The following CREBRF variants were observed in gnomAD, a reference collection of about 807,000 sequenced individuals.
The protein encoded by CREBRF is UPF0474 protein C5orf41.
Under a neutral mutation model 66.1 loss-of-function variants are expected in CREBRF, and 5 were observed. That is an observed-to-expected ratio of 0.08 (90% CI 0.04 to 0.16). The LOEUF is 0.16. Ranked by LOEUF, CREBRF falls within the 10% of genes least tolerant of loss-of-function variation. CREBRF has a pLI of 1.00. For synonymous variants in CREBRF, 229 were observed against 264.4 expected, an observed-to-expected ratio of 0.87 and a Z score of 1.30; for missense variants, 531 against 744.9, an observed-to-expected ratio of 0.71 and a Z score of 3.34.
intron 1 of CREBRF, among the ~76,000 whole-genome samples, chr5:173,079,782 T>C (rs1757881451): frequency 6.6e-6 from 1 of 152,234 alleles, no homozygotes; most frequent in South Asian, 2.1e-4. Context: ...GATCATACTT[T>C]GAGACCCACT....
intron 6 of CREBRF, among the ~76,000 whole-genome samples, 159 bp from the exon 7 acceptor site, chr5:173,112,147 T>A (rs983406405): frequency 6.6e-6 from 1 of 152,190 alleles, no homozygotes; most frequent in Non-Finnish European, 1.5e-5. Flanking sequence ...CTCATGCCTA[T>A]AATCCCAGCA....
At chr5:173,117,177 G>A (rs866887640) in intron 7 of CREBRF, among the ~76,000 whole-genome samples, 1 of 151,844 alleles carries the variant, frequency 6.6e-6, no homozygotes, top group Non-Finnish European at 1.5e-5. Flanking sequence ...TCAGGAGTTC[G>A]AGACCAGCCT....
chr5:173,080,877 C>T, intron 2 of CREBRF, 93 bp downstream of exon 2: 1 of 1,210,180 alleles, frequency 8.3e-7, no homozygotes, highest in Admixed American at 2.0e-5. Context: ...CACAACTTTG[C>T]ATACTACCTT....
At chr5:173,093,093 C>G (rs1010688683) in intron 4 of CREBRF, among the ~76,000 whole-genome samples, 1 of 151,994 alleles carries the variant, frequency 6.6e-6, no homozygotes, top group Non-Finnish European at 1.5e-5. Context: ...ACAGATTGGT[C>G]CTGTTGCTTT....
At chr5:173,110,359 C>T in intron 5 of CREBRF, 163 bp from the exon 6 acceptor site, 1 of 706,416 alleles carries the variant, frequency 1.4e-6, no homozygotes. Flanking sequence ...AGGAGGCCAG[C>T]CCTTCTAGGA....
chr5:173,108,463 A>G (rs1758798121), intron 4 of CREBRF, among the ~76,000 whole-genome samples, 161 bp from the exon 5 acceptor site: 1 of 152,260 alleles, frequency 6.6e-6, no homozygotes, highest in Non-Finnish European at 1.5e-5. Context: ...TTTACATATT[A>G]AAAGTTCTCT....
intron 2 of CREBRF, chr5:173,085,413 CT>C (rs371399043): frequency 0.12 from 81,311 of 671,450 alleles, no homozygotes; most frequent in South Asian, 0.15. Context: ...CAAATACATT[CT>C]TTTTTTTTTT....
intron 7 of CREBRF, among the ~76,000 whole-genome samples, chr5:173,119,039 A>G (rs1465200081): frequency 6.6e-6 from 1 of 152,104 alleles, no homozygotes; most frequent in Non-Finnish European, 1.5e-5. Flanking sequence ...TAGATAGAAA[A>G]TTGTCTTGAT....
intron 7 of CREBRF, among the ~76,000 whole-genome samples, chr5:173,115,818 G>A (rs1461018535): frequency 6.6e-6 from 1 of 151,764 alleles, no homozygotes; most frequent in African/African-American, 2.4e-5. Context: ...CACCGTATTA[G>A]CCAGGATGGT....
At chr5:173,100,719 C>G (rs1336253278) in intron 4 of CREBRF, among the ~76,000 whole-genome samples, 2 of 152,144 alleles carry the variant, frequency 1.3e-5, no homozygotes, top group East Asian at 1.9e-4. Context: ...CCACACCGCT[C>G]CCCCCCAACC....
chr5:173,073,438 A>G (rs929401949), intron 1 of CREBRF, among the ~76,000 whole-genome samples: 1 of 152,226 alleles, frequency 6.6e-6, no homozygotes, highest in Admixed American at 6.5e-5. Context: ...ACAGCTACAC[A>G]GATACATACA....
intron 1 of CREBRF, among the ~76,000 whole-genome samples, chr5:173,058,971 G>GT (rs1757173240): frequency 1.3e-5 from 2 of 149,986 alleles, no homozygotes; most frequent in African/African-American, 4.9e-5. Flanking sequence ...AATTTTTTGT[G>GT]TTTTTAATAG....
chr5:173,081,950 G>A (rs1293485942), intron 2 of CREBRF, among the ~76,000 whole-genome samples: 1 of 149,342 alleles, frequency 6.7e-6, no homozygotes, highest in African/African-American at 2.5e-5. Flanking sequence ...CCCAACCTCT[G>A]TGACAGATGG....
intron 1 of CREBRF, among the ~76,000 whole-genome samples, chr5:173,079,423 A>T (rs1202486543): frequency 6.6e-6 from 1 of 150,934 alleles, no homozygotes; most frequent in South Asian, 2.1e-4. Flanking sequence ...AGATTGGGCC[A>T]CTGCATTCCA....
At chr5:173,129,966 C>G (rs1017104906) in intron 8 of CREBRF, among the ~76,000 whole-genome samples, 5 of 152,056 alleles carry the variant, frequency 3.3e-5, no homozygotes, top group African/African-American at 1.2e-4. Flanking sequence ...GCTGGGATTA[C>G]AGGCACATGC....
At chr5:173,125,217 TA>T (rs529593143) in intron 8 of CREBRF, among the ~76,000 whole-genome samples, 84 of 152,252 alleles carry the variant, frequency 5.5e-4, no homozygotes, top group African/African-American at 1.9e-3. Context: ...TTTTTAACAT[TA>T]TTTCTCCTTT....
intron 3 of CREBRF, among the ~76,000 whole-genome samples, chr5:173,088,084 G>C (rs1758215979): frequency 6.6e-6 from 1 of 151,492 alleles, no homozygotes; most frequent in Admixed American, 6.6e-5. Flanking sequence ...CGGAGTGCTG[G>C]GATTACAGGT....
chr5:173,071,274 T>C (rs754052327), intron 1 of CREBRF, among the ~76,000 whole-genome samples: 4 of 152,140 alleles, frequency 2.6e-5, no homozygotes, highest in Non-Finnish European at 5.9e-5. Flanking sequence ...TGCAGCGCCA[T>C]GATCTCGCAT....
intron 4 of CREBRF, among the ~76,000 whole-genome samples, chr5:173,106,801 G>T (rs1758761555): frequency 1.3e-5 from 2 of 151,826 alleles, no homozygotes; most frequent in Non-Finnish European, 2.9e-5. Context: ...CCAGGCTGTG[G>T]TGCAATGGCA....
Sources: gnomAD v4.1 joint callset for allele counts (sites outside exome capture counted in the v4.1 genomes callset) on GRCh38, gnomAD v4.1.1 for gene constraint, MANE v1.5 for transcripts, NCBI Gene and HGNC (gene_info 2026-07-23, HGNC 2026-07-21) for gene names.